COL8A1: variants seen among roughly 807,000 people sequenced by gnomAD.
The protein encoded by COL8A1 is collagen alpha-1(VIII) chain.
A neutral mutation model predicts 42.7 loss-of-function variants in COL8A1; 21 were observed. That is an observed-to-expected ratio of 0.49 (90% CI 0.35 to 0.71). The LOEUF (loss-of-function observed/expected upper bound fraction) is 0.71. Ranked by LOEUF, COL8A1 falls within the 30% of genes least tolerant of loss-of-function variation. The pLI is 0.01. For missense variants in COL8A1, 788 were observed against 962.4 expected (o/e 0.82, Z 2.40); for synonymous variants, 367 against 369.1 (o/e 0.99, Z 0.06).
At chr3:99,766,095 C>T (rs752904418) in intron 2 of COL8A1, among the ~76,000 whole-genome samples, 9 of 152,164 alleles carry the variant, frequency 5.9e-5, no homozygotes, top group South Asian at 2.1e-4. Context: ...CCTGGAACCA[C>T]AGTAATGGCA....
chr3:99,718,215 T>G (rs1227460114), intron 1 of COL8A1, among the ~76,000 whole-genome samples: 1 of 151,972 alleles, frequency 6.6e-6, no homozygotes, highest in Admixed American at 6.6e-5. Context: ...TTATCCCTAT[T>G]ATTTCTTGTG....
At chr3:99,723,658 T>C (rs1370746042) in intron 1 of COL8A1, among the ~76,000 whole-genome samples, 1 of 152,132 alleles carries the variant, frequency 6.6e-6, no homozygotes, top group East Asian at 1.9e-4. Context: ...TTTCCTTCTG[T>C]CAGTTGGTTA....
chr3:99,764,745 GC>G (rs1464183538), intron 2 of COL8A1, among the ~76,000 whole-genome samples: 1 of 130,848 alleles, frequency 7.6e-6, no homozygotes, highest in Non-Finnish European at 1.5e-5. Context: ...TGTCGCCCAG[GC>G]CGGAGTGCAG....
intron 1 of COL8A1, among the ~76,000 whole-genome samples, chr3:99,710,753 T>G (rs1490332666): frequency 6.6e-6 from 1 of 152,284 alleles, no homozygotes; most frequent in East Asian, 1.9e-4. Context: ...TTAGAGACAT[T>G]AAATCACTAG....
intron 1 of COL8A1, among the ~76,000 whole-genome samples, chr3:99,696,741 T>C (rs958043561): frequency 6.6e-6 from 1 of 152,176 alleles, no homozygotes; most frequent in East Asian, 1.9e-4. Context: ...AGACCAGGCA[T>C]GCCCACACCA....
rs1942096388 is a variant in COL8A1, at chr3:99,795,797, AGTGAAGTTT to A, written c.1897_1905del (p.Val633_Phe635del). The stretch of plus-strand genomic sequence containing the variant: ...CACCTTTCCCACCGGTGGGGGCCCC[AGTGAAGTTT>A]AACAAACTGCTGTATAACGGCAGAC... On this transcript the variant is annotated inframe_deletion, in exon 4 of 4. Coordinates refer to ENST00000652472, the MANE Select transcript of COL8A1 (RefSeq NM_020351.4). 6.2e-7 allele frequency: 1 copy of A among 1,614,048 alleles called. No homozygotes were observed. The highest frequency in any genetic ancestry group is 1.3e-5 in the African/African-American group (1 of 74,920).
chr3:99,761,737 G>A (rs1941368745), intron 2 of COL8A1, among the ~76,000 whole-genome samples: 1 of 152,004 alleles, frequency 6.6e-6, no homozygotes, highest in African/African-American at 2.4e-5. Flanking sequence ...AGATATCTCT[G>A]GCTTTAGATA....
intron 1 of COL8A1, among the ~76,000 whole-genome samples, chr3:99,714,489 T>C (rs529313788): frequency 6.6e-6 from 1 of 152,206 alleles, no homozygotes; most frequent in South Asian, 2.1e-4. Flanking sequence ...AGAAGAATGA[T>C]GAAATGGAAT....
intron 1 of COL8A1, among the ~76,000 whole-genome samples, chr3:99,733,720 C>A (rs1395671625): frequency 6.6e-6 from 1 of 151,186 alleles, no homozygotes; most frequent in Non-Finnish European, 1.5e-5. Context: ...TGAGGAATCG[C>A]CACACTGACT....
At chr3:99,776,995 C>T (rs1356281675) in intron 2 of COL8A1, among the ~76,000 whole-genome samples, 1 of 152,172 alleles carries the variant, frequency 6.6e-6, no homozygotes. Flanking sequence ...CTTTCATCAC[C>T]ATCTTGGTTT....
chr3:99,675,101 T>C (rs1298563391), intron 1 of COL8A1, among the ~76,000 whole-genome samples: 2 of 152,040 alleles, frequency 1.3e-5, no homozygotes, highest in Non-Finnish European at 2.9e-5. Context: ...ATTTTCTCAT[T>C]TCATCCATAA....
intron 1 of COL8A1, chr3:99,680,509 C>A (rs955234565): frequency 6.6e-6 from 1 of 152,054 alleles, no homozygotes; most frequent in African/African-American, 2.4e-5. Flanking sequence ...GGGTATATAC[C>A]CAGTAATGGG....
chr3:99,646,588 T>C (rs927303015), intron 1 of COL8A1, among the ~76,000 whole-genome samples: 4 of 152,134 alleles, frequency 2.6e-5, no homozygotes, highest in African/African-American at 9.7e-5. Context: ...GTACGGTAAA[T>C]GGATTATACT....
At chr3:99,652,313 TTAA>T (rs752902977) in intron 1 of COL8A1, among the ~76,000 whole-genome samples, 5 of 152,244 alleles carry the variant, frequency 3.3e-5, no homozygotes, top group Non-Finnish European at 7.3e-5. Flanking sequence ...TAATCTATAA[TTAA>T]TGATGATAAT....
chr3:99,792,668 G>A (rs868773278), intron 3 of COL8A1, among the ~76,000 whole-genome samples: 9 of 152,168 alleles, frequency 5.9e-5, no homozygotes, highest in African/African-American at 9.7e-5. Flanking sequence ...ACAATCTCAC[G>A]CCAAGACCAG....
chr3:99,752,448 T>C (rs998182111), intron 2 of COL8A1, among the ~76,000 whole-genome samples: 4 of 152,046 alleles, frequency 2.6e-5, no homozygotes, highest in African/African-American at 9.7e-5. Context: ...GTGATTCCCC[T>C]ACACTATTTT....
At chr3:99,756,794 T>C (rs1466011683) in intron 2 of COL8A1, among the ~76,000 whole-genome samples, 4 of 152,160 alleles carry the variant, frequency 2.6e-5, no homozygotes, top group Non-Finnish European at 4.4e-5. Context: ...ACTTTGGGGA[T>C]ACAAACGTCT....
intron 1 of COL8A1, among the ~76,000 whole-genome samples, chr3:99,708,691 A>G (rs2107354627): frequency 6.6e-6 from 1 of 152,186 alleles, no homozygotes; most frequent in East Asian, 1.9e-4. Flanking sequence ...CCCCACAAGG[A>G]CCTGTTGACA....
intron 2 of COL8A1, among the ~76,000 whole-genome samples, chr3:99,776,445 G>A (rs1941694299): frequency 6.6e-6 from 1 of 152,128 alleles, no homozygotes; most frequent in Admixed American, 6.6e-5. Context: ...TTGTTGAATG[G>A]GATAAACAAG....
Sources: allele counts gnomAD v4.1 joint callset (sites outside exome capture counted in the v4.1 genomes callset), GRCh38; gene constraint gnomAD v4.1.1; transcripts MANE v1.5; gene names NCBI Gene and HGNC (gene_info 2026-07-23, HGNC 2026-07-21).